Variants in CHD5 observed in about 807,000 individuals in gnomAD.
The protein encoded by CHD5 is chromodomain helicase DNA binding protein 5.
In CHD5, 69 loss-of-function variants were observed where a neutral mutation model predicts 230.3. That is an observed-to-expected ratio of 0.30 (90% CI 0.25 to 0.37). CHD5 has a LOEUF of 0.37. CHD5 is among the 10% of genes least tolerant of loss of function. The pLI, the probability that CHD5 is intolerant of heterozygous loss-of-function variation, is 1.00. For synonymous variants in CHD5, 1,064 were observed against 1,065.9 expected, an observed-to-expected ratio of 1.00 and a Z score of 0.03; for missense variants, 1,827 against 2,622.8, an observed-to-expected ratio of 0.70 and a Z score of 6.63.
At position 6,167,393 on chromosome 1, in the gene CHD5, C is replaced by T. The variant is rs531512489; in HGVS notation, c.207+757G>A. On this transcript the variant is annotated intron_variant, in intron 2 of 41. Coordinates refer to ENST00000262450, the MANE Select transcript of CHD5 (RefSeq NM_015557.3). The surrounding 1 kb of genome is among the most constrained non-coding windows in gnomAD (Gnocchi z 4.5). Reference sequence around the variant, plus strand: ...GGGTCGCTTGGAGGATCAGAGGAGACGCCCAGAAGGAAGCAGACAGCATAT... The same window carrying T: ...GGGTCGCTTGGAGGATCAGAGGAGATGCCCAGAAGGAAGCAGACAGCATAT... Among the ~76,000 whole-genome samples, 15 of 152,244 alleles carry T rather than the reference C, an allele frequency of 9.9e-5. No homozygotes were observed. In the East Asian group the frequency reaches 1.4e-3, roughly 14 times the overall value.
rs375673477 is a variant in CHD5, at chr1:6,131,767, C to T, written c.3145-19G>A. 93 of 1,544,514 alleles carry T rather than the reference C, an allele frequency of 6.0e-5. No homozygotes were observed. The Middle Eastern group carries it at 1.2e-3, about 20-fold the overall frequency. ...TGGTCATCTGCAGGGGAGACGGGCACGTGAGGAACTGCCAAGGAGCAAGGG... is the reference window on the plus strand; with the variant it reads ...TGGTCATCTGCAGGGGAGACGGGCATGTGAGGAACTGCCAAGGAGCAAGGG... On this transcript the variant is annotated intron_variant, in intron 20 of 41. Transcript: ENST00000262450. This position sits in a 1 kb window ranked among gnomAD's most constrained non-coding sequence, Gnocchi z 5.0.
chr1:6,133,527 G>A (rs943712176), intron 20 of CHD5, among the ~76,000 whole-genome samples: 1 of 152,250 alleles, frequency 6.6e-6, no homozygotes, highest in African/African-American at 2.4e-5. Flanking sequence ...GACCCTGTAG[G>A]ATCATCACTG....
At chr1:6,171,283 C>T (rs533808394) in intron 1 of CHD5, among the ~76,000 whole-genome samples, 7 of 152,172 alleles carry the variant, frequency 4.6e-5, no homozygotes, top group African/African-American at 1.7e-4. Context: ...AGGACAAGGC[C>T]CCAGACCCTC....
Position 6,143,986 on chromosome 1 carries a change from G to A in CHD5, c.1934+38C>T, listed in dbSNP as rs767853901. 4.8e-5 allele frequency: 77 copies of A among 1,614,060 alleles called. 1 individual carries two copies. In the East Asian group the frequency reaches 9.4e-4, roughly 20 times the overall value. On this transcript the variant is annotated intron_variant, in intron 12 of 41. Transcript: ENST00000262450. ...AAGGCTCAGCCCAGGAGCAGGTCCCGGCAGCCTGTGCCTAGCAGCCGGATC... is the reference window on the plus strand; with the variant it reads ...AAGGCTCAGCCCAGGAGCAGGTCCCAGCAGCCTGTGCCTAGCAGCCGGATC...
chr1:6,142,118 G>A lies in CHD5; in HGVS notation c.2436+10C>T, dbSNP rs200094348. 2.5e-3 allele frequency: 3,984 copies of A among 1,608,868 alleles called. 6 individuals are homozygous for A. The highest frequency in any genetic ancestry group is 6.9e-3 in the Middle Eastern group (42 of 6,052). On this transcript the variant is annotated intron_variant, in intron 15 of 41. Coordinates refer to ENST00000262450, the MANE Select transcript of CHD5 (RefSeq NM_015557.3). The surrounding 1 kb of genome is among the most constrained non-coding windows in gnomAD (Gnocchi z 5.2). Reference sequence around the variant, plus strand: ...TTCCTACCGTCCTTCCAAGGATAGCGAGCCCTCACCTTCATACGGAATACC... The same window carrying A: ...TTCCTACCGTCCTTCCAAGGATAGCAAGCCCTCACCTTCATACGGAATACC...
chr1:6,168,623 T>C (rs1174855101), intron 1 of CHD5, among the ~76,000 whole-genome samples: 2 of 152,180 alleles, frequency 1.3e-5, no homozygotes, highest in Non-Finnish European at 2.9e-5. Flanking sequence ...GGAGCATCTC[T>C]ACCAGGAAGG....
intron 11 of CHD5, 27 bp from the exon 12 acceptor site, chr1:6,144,182 CG>C (rs1557551535): frequency 1.2e-6 from 2 of 1,613,536 alleles, no homozygotes; most frequent in African/African-American, 2.7e-5. Context: ...AGATGTGGGT[CG>C]CTCAGAGCAG....
In CHD5 at chr1:6,121,611, C is replaced by T. The variant is rs1454362589; in HGVS notation, c.4700-38G>A. 3 of 1,537,290 alleles carry T rather than the reference C, an allele frequency of 2.0e-6. No homozygotes were observed. Among genetic ancestry groups the T allele is most frequent in the Non-Finnish European group, 2.7e-6 (3 of 1,117,232 alleles). Reference sequence around the variant, plus strand: ...GGGAAAGAGCTGAGACAGGTGGGCTCAGACGGGAAGGAGTAGGGCAGGGAG... The same window carrying T: ...GGGAAAGAGCTGAGACAGGTGGGCTTAGACGGGAAGGAGTAGGGCAGGGAG... On this transcript the variant is annotated intron_variant, in intron 31 of 41. Transcript: ENST00000262450. This position sits in a 1 kb window ranked among gnomAD's most constrained non-coding sequence, Gnocchi z 4.5.
chr1:6,125,280 G>C lies in CHD5; in HGVS notation c.4261-47C>G, dbSNP rs751296651. On this transcript the variant is annotated intron_variant, in intron 28 of 41. Coordinates refer to ENST00000262450, the MANE Select transcript of CHD5 (RefSeq NM_015557.3). The surrounding 1 kb of genome is among the most constrained non-coding windows in gnomAD (Gnocchi z 6.7). ...GTATGAGCCCAGGACAGAGAGGGGT[G>C]GGGGTGGAGGATTCTGGGATGGGGG... 2 of 1,542,020 alleles carry C rather than the reference G, an allele frequency of 1.3e-6. No homozygotes were observed. The highest frequency in any genetic ancestry group is 1.8e-6 in the Non-Finnish European group (2 of 1,140,598).
chr1:6,140,198 C>T (rs1445140176), intron 15 of CHD5, among the ~76,000 whole-genome samples: 2 of 151,998 alleles, frequency 1.3e-5, no homozygotes, highest in Admixed American at 6.5e-5. Context: ...GTCAAGAGAT[C>T]GAGACCATCC....
Position 6,146,612 on chromosome 1 carries a change from C to G in CHD5, c.1590+53G>C. On this transcript the variant is annotated intron_variant, in intron 10 of 41. Transcript: ENST00000262450. The surrounding 1 kb of genome is among the most constrained non-coding windows in gnomAD (Gnocchi z 5.1). ...CCCCTTCCCGCCAGCCCAGGAGGGT[C>G]CAGGGCTCACCAGGTCCCGGGCCTT... 1 of 1,582,782 alleles carries G rather than the reference C, an allele frequency of 6.3e-7. No individual in the cohort carries two copies. Among genetic ancestry groups the G allele is most frequent in the Admixed American group, 1.7e-5 (1 of 59,934 alleles).
At chr1:6,174,304 G>A (rs1484008657) in intron 1 of CHD5, among the ~76,000 whole-genome samples, 1 of 152,194 alleles carries the variant, frequency 6.6e-6, no homozygotes, top group Non-Finnish European at 1.5e-5. Flanking sequence ...AGCCCAGAAA[G>A]TTAGACAACA....
At chr1:6,118,200 A>C (rs2100837148) in intron 33 of CHD5, among the ~76,000 whole-genome samples, 1 of 152,124 alleles carries the variant, frequency 6.6e-6, no homozygotes, top group South Asian at 2.1e-4. Flanking sequence ...ACATGGCAAA[A>C]CCCCGTCTCT....
intron 7 of CHD5, among the ~76,000 whole-genome samples, chr1:6,150,280 G>A (rs945735615): frequency 1.3e-5 from 2 of 151,328 alleles, no homozygotes; most frequent in African/African-American, 4.9e-5. Context: ...GATGATGGAT[G>A]GATGGACAAA....
At position 6,167,158 on chromosome 1, in the gene CHD5, G is replaced by A. The variant is rs867832158; in HGVS notation, c.207+992C>T. The stretch of plus-strand genomic sequence containing the variant: ...GGGGCCAGGCCAGTCCCCTCTAGGC[G>A]GGGGAAAGAAAGGTGGAGAGCTGGC... On this transcript the variant is annotated intron_variant, in intron 2 of 41. Transcript: ENST00000262450. The surrounding 1 kb of genome is among the most constrained non-coding windows in gnomAD (Gnocchi z 4.5). 2.1e-4 allele frequency among the ~76,000 whole-genome samples: 32 copies of A among 151,256 alleles called. No homozygotes were observed. The highest frequency in any genetic ancestry group is 3.2e-3 in the Middle Eastern group (1 of 314).
In CHD5 at chr1:6,162,381, C is replaced by A. The variant is rs565597985; in HGVS notation, c.208-2866G>T. 2.2e-3 allele frequency among the ~76,000 whole-genome samples: 334 copies of A among 150,106 alleles called. 2 individuals are homozygous for A. Among genetic ancestry groups the A allele is most frequent in the African/African-American group, 7.6e-3 (311 of 40,758 alleles). On this transcript the variant is annotated intron_variant, in intron 2 of 41. Transcript: ENST00000262450. ...AGCCTGGGTAATAAGAGCCAAACTCCATCTCAAAAAAAAAAAGAAAAGAAA... is the reference window on the plus strand; with the variant it reads ...AGCCTGGGTAATAAGAGCCAAACTCAATCTCAAAAAAAAAAAGAAAAGAAA...
chr1:6,124,573 G>C lies in CHD5; in HGVS notation c.4483C>G (p.Leu1495Val), dbSNP rs1459263902. The C allele has an allele frequency of 1.7e-5, 27 of 1,612,360 alleles. No individual in the cohort carries two copies. In the Admixed American group the frequency reaches 4.5e-4, roughly 27 times the overall value. Residue 1495 changes from leucine (L) to valine (V), a missense_variant, in exon 30 of 42, where the codon CTC (leucine) becomes GTC (valine). Physicochemically the swap from Leu to Val is conservative, Grantham distance 32. Around this residue, in one of 14 missense-constraint regions of CHD5, gnomAD observed 108 missense variants for 152.4 expected, o/e 0.71. Transcript: ENST00000262450. ...CGGGTCAGCACGTGCTGCCTGGAGA[G>C]GCCCTCCCGGGGCACGCCGTCTGCG... ...TFADGVPREG[L>V]SRQHVLTRIG...
rs143674699 is a variant in CHD5, at chr1:6,124,830, A to G, written c.4395-169T>C. On this transcript the variant is annotated intron_variant, in intron 29 of 41. Transcript: ENST00000262450. ...AAGGACAGAGAGGGCCTCCCTGGCG[A>G]GGGGACCTCCTAGGACAGCCCTGGG... is the stretch of plus-strand genomic sequence containing the variant. Among the ~76,000 whole-genome samples the G allele has an allele frequency of 7.2e-3, 1,097 of 152,142 alleles. 12 individuals carry two copies. The highest frequency in any genetic ancestry group is 0.051 in the Middle Eastern group (15 of 294).
chr1:6,154,971 C>T lies in CHD5; in HGVS notation c.507-73G>A. The T allele has an allele frequency of 7.4e-7, 1 of 1,345,860 alleles. No homozygotes were observed. Among genetic ancestry groups the T allele is most frequent in the Non-Finnish European group, 1.0e-6 (1 of 961,542 alleles). The allele number at this position is 1,345,860 out of a possible 1,614,324, so 83.4% of individuals were successfully genotyped here. On this transcript the variant is annotated intron_variant, in intron 4 of 41. Coordinates refer to ENST00000262450, the MANE Select transcript of CHD5 (RefSeq NM_015557.3). The surrounding 1 kb of genome is among the most constrained non-coding windows in gnomAD (Gnocchi z 7.0). ...GAGGCCCACCCGACCCCCGGCAGGGCCCACCCCTCTGCCACATGTGCGATC... is the reference window on the plus strand; with the variant it reads ...GAGGCCCACCCGACCCCCGGCAGGGTCCACCCCTCTGCCACATGTGCGATC...
Sources: gnomAD v4.1 joint callset for allele counts (sites outside exome capture counted in the v4.1 genomes callset) on GRCh38, gnomAD v4.1.1 for gene constraint, gnomAD v4.1.1 regional missense constraint, Gnocchi (gnomAD v3.1) non-coding constraint, MANE v1.5 for transcripts, NCBI Gene and HGNC (gene_info 2026-07-23, HGNC 2026-07-21) for gene names.